The following STXBP5 variants were observed in gnomAD, a reference collection of about 807,000 sequenced individuals.
The protein encoded by STXBP5 is syntaxin binding protein 5, also known as syntaxin-binding protein 5.
STXBP5 carries 50 observed loss-of-function variants against 152.4 expected under a neutral mutation model. That is an observed-to-expected ratio of 0.33 (90% confidence interval 0.26 to 0.42). The LOEUF (loss-of-function observed/expected upper bound fraction) is 0.42, where lower values mean the gene tolerates loss of function less well. STXBP5 is among the 10% of genes least tolerant of loss of function. The pLI, the probability that STXBP5 is intolerant of heterozygous loss-of-function variation, is 1.00. For synonymous variants in STXBP5, 492 were observed against 494.7 expected (o/e 0.99, Z 0.07); for missense variants, 1,167 against 1,388.6 (o/e 0.84, Z 2.54).
At chr6:147,384,643 A>T (rs1786252421) in intron 27 of STXBP5, 71 bp from the exon 28 acceptor site, 1 of 1,484,360 alleles carries the variant, frequency 6.7e-7, no homozygotes, top group East Asian at 2.3e-5. Context: ...TTGGAAAAAT[A>T]TAGAAATCAC....
rs1001766389 is a variant in STXBP5 at position 147,276,928 on chromosome 6, C to A, written c.715-1153C>A. ...CTACTGAATGTATAGTGCTTTTGTACTATCTTAAAGCTGACAAATTGCATA... is the reference window on the plus strand; with the variant it reads ...CTACTGAATGTATAGTGCTTTTGTAATATCTTAAAGCTGACAAATTGCATA... On this transcript the variant is annotated intron_variant, in intron 7 of 27. Coordinates refer to ENST00000321680, the MANE Select transcript of STXBP5 (RefSeq NM_001127715.4). Among the ~76,000 whole-genome samples, 5 of 152,002 alleles carry A rather than the reference C, an allele frequency of 3.3e-5. No individual in the cohort carries two copies. The East Asian group carries it at 9.6e-4, about 29-fold the overall frequency.
At chr6:147,278,339 A>G in intron 8 of STXBP5, 135 bp downstream of exon 8, 1 of 861,862 alleles carries the variant, frequency 1.2e-6, no homozygotes, top group Middle Eastern at 2.5e-4. Flanking sequence ...GGAATTAAAA[A>G]TATTTACACT....
intron 16 of STXBP5, among the ~76,000 whole-genome samples, chr6:147,323,238 A>G (rs1783028449): frequency 2.0e-5 from 3 of 151,996 alleles, no homozygotes; most frequent in African/African-American, 4.8e-5. Flanking sequence ...GTCTGTTCTT[A>G]CTCCATTAAT....
intron 7 of STXBP5, among the ~76,000 whole-genome samples, chr6:147,272,424 T>A (rs180908847): frequency 6.6e-6 from 1 of 152,374 alleles, no homozygotes; most frequent in African/African-American, 2.4e-5. Flanking sequence ...GTATAAATTC[T>A]AACTTCTAAA....
chr6:147,324,493 G>C (rs2128384517), intron 16 of STXBP5, among the ~76,000 whole-genome samples: 1 of 151,940 alleles, frequency 6.6e-6, no homozygotes, highest in East Asian at 1.9e-4. Context: ...GGATGGTCTT[G>C]AACTGACCTC....
At chr6:147,265,428 CTA>C (rs1202744570) in intron 6 of STXBP5, among the ~76,000 whole-genome samples, 1 of 151,918 alleles carries the variant, frequency 6.6e-6, no homozygotes, top group Non-Finnish European at 1.5e-5. Context: ...TGTGTGTCTA[CTA>C]TGTATTAGGA....
chr6:147,384,502 T>A (rs1404971803), intron 27 of STXBP5, among the ~76,000 whole-genome samples: 1 of 152,170 alleles, frequency 6.6e-6, no homozygotes, highest in Non-Finnish European at 1.5e-5. Flanking sequence ...CTAAGAAATC[T>A]GTGGAACTTC....
At chr6:147,249,038 T>A (rs1036469715) in intron 4 of STXBP5, among the ~76,000 whole-genome samples, 2 of 152,168 alleles carry the variant, frequency 1.3e-5, no homozygotes, top group Non-Finnish European at 2.9e-5. Flanking sequence ...CCACAGATGC[T>A]GAATTCAGCT....
At chr6:147,326,188 A>T (rs1783247153) in intron 17 of STXBP5, among the ~76,000 whole-genome samples, 1 of 152,206 alleles carries the variant, frequency 6.6e-6, no homozygotes, top group Non-Finnish European at 1.5e-5. Flanking sequence ...TTGCTGCCAC[A>T]CAATGTAAGA....
At chr6:147,251,796 G>A (rs1219307384) in intron 4 of STXBP5, among the ~76,000 whole-genome samples, 1 of 151,572 alleles carries the variant, frequency 6.6e-6, no homozygotes, top group African/African-American at 2.4e-5. Flanking sequence ...TCCTTACTGG[G>A]AGACACCTCG....
At chr6:147,382,641 TA>T (rs1786144540) in intron 26 of STXBP5, 136 bp from the exon 27 acceptor site, 1 of 830,198 alleles carries the variant, frequency 1.2e-6, no homozygotes, top group African/African-American at 1.7e-5. Context: ...AAGCATGTAT[TA>T]AGCATATTTC....
At chr6:147,276,380 A>G (rs899199171) in intron 7 of STXBP5, among the ~76,000 whole-genome samples, 3 of 152,240 alleles carry the variant, frequency 2.0e-5, no homozygotes, top group African/African-American at 7.2e-5. Flanking sequence ...TGGTTCCAGT[A>G]ATTAGGTAGT....
chr6:147,300,527 T>A (rs1045537927), intron 9 of STXBP5, among the ~76,000 whole-genome samples: 7 of 152,144 alleles, frequency 4.6e-5, no homozygotes, highest in African/African-American at 1.7e-4. Context: ...GCCAGTTGAT[T>A]TCCAAGAAAG....
At chr6:147,247,888 A>C (rs890637606) in intron 4 of STXBP5, among the ~76,000 whole-genome samples, 1 of 152,212 alleles carries the variant, frequency 6.6e-6, no homozygotes, top group African/African-American at 2.4e-5. Context: ...AAAGGGCCTT[A>C]CAATGTGTTA....
intron 1 of STXBP5, among the ~76,000 whole-genome samples, chr6:147,205,437 A>G (rs1209456764): frequency 3.3e-5 from 5 of 151,138 alleles, no homozygotes; most frequent in Non-Finnish European, 5.9e-5. Context: ...TTAATAGTAA[A>G]TTGCAAAAAT....
At position 147,204,444 on chromosome 6, in the gene STXBP5, C is replaced by G. The variant is rs1776427185; in HGVS notation, c.-89C>G. 1.8e-5 allele frequency: 24 copies of G among 1,367,936 alleles called. No homozygotes were observed. The South Asian group carries it at 3.1e-4, about 18-fold the overall frequency. The allele number at this position is 1,367,936 out of a possible 1,614,324, so 84.7% of individuals were successfully genotyped here. A position where few individuals can be genotyped will look rare whatever the true frequency, so the allele number is the denominator to read the frequency against. ...ACTCCCACTCCTCCGTTTCCGCGGT[C>G]GAAGCTGCCTTCGGCCCCGGGTGGT... On this transcript the variant is annotated 5_prime_UTR_variant, in exon 1 of 28. Coordinates refer to ENST00000321680, the MANE Select transcript of STXBP5 (RefSeq NM_001127715.4). The surrounding 1 kb of genome is among the most constrained non-coding windows in gnomAD (Gnocchi z 4.3).
At chr6:147,370,715 A>G in intron 25 of STXBP5, among the ~76,000 whole-genome samples, 1 of 152,114 alleles carries the variant, frequency 6.6e-6, no homozygotes, top group East Asian at 1.9e-4. Flanking sequence ...ATTATAATTT[A>G]TAAACAAAAC....
At chr6:147,314,164 GT>G in intron 12 of STXBP5, 99 bp from the exon 13 acceptor site, 1 of 1,367,806 alleles carries the variant, frequency 7.3e-7, no homozygotes, top group Non-Finnish European at 1.0e-6. Context: ...AGCAAAATAT[GT>G]TTTTCACTGG....
At chr6:147,306,027 A>G (rs990671713) in intron 9 of STXBP5, among the ~76,000 whole-genome samples, 3 of 152,210 alleles carry the variant, frequency 2.0e-5, no homozygotes, top group African/African-American at 4.8e-5. Context: ...TGAATAATAT[A>G]GGTACTAATT....
Sources: allele counts gnomAD v4.1 joint callset (sites outside exome capture counted in the v4.1 genomes callset), GRCh38; gene constraint gnomAD v4.1.1; non-coding constraint Gnocchi (gnomAD v3.1); transcripts MANE v1.5; gene names NCBI Gene and HGNC (gene_info 2026-07-23, HGNC 2026-07-21).